Variants in PPHLN1 observed in about 807,000 individuals in gnomAD.
PPHLN1 encodes periphilin 1, also known as periphilin-1.
PPHLN1 carries 29 observed loss-of-function variants against 51.3 expected under a neutral mutation model. That is an observed-to-expected ratio of 0.57 (90% CI 0.42 to 0.77). PPHLN1 has a LOEUF of 0.77. Ranked by LOEUF, PPHLN1 falls within the 30% of genes least tolerant of loss-of-function variation. The pLI is 0.00. For synonymous variants in PPHLN1, 147 were observed against 147.8 expected, an observed-to-expected ratio of 0.99 and a Z score of 0.04; for missense variants, 436 against 438.4, an observed-to-expected ratio of 0.99 and a Z score of 0.05.
rs1565869050 is a variant in PPHLN1, at chr12:42,375,046, A to G, written c.483A>G (p.Ser161=). 6.2e-7 allele frequency: 1 copy of G among 1,612,252 alleles called. No individual in the cohort carries two copies. Among genetic ancestry groups the G allele is most frequent in the Non-Finnish European group, 8.5e-7 (1 of 1,178,804 alleles). Residue 161 remains serine, a synonymous_variant, in exon 5 of 10, where the codon TCA becomes TCG. Transcript: ENST00000358314. ...SRSYSPERSK[S]YSFHQSQHRK... ...GCTACTCTCCAGAAAGGAGCAAATC[A>G]TACTCTTTCCATCAGTCTCAACATA...
At chr12:42,382,196 T>A (rs964008990) in intron 5 of PPHLN1, among the ~76,000 whole-genome samples, 4 of 152,234 alleles carry the variant, frequency 2.6e-5, no homozygotes, top group Non-Finnish European at 5.9e-5. Context: ...ACCAAATACT[T>A]TGAAACTCTT....
At chr12:42,359,513 T>C (rs561514344) in intron 4 of PPHLN1, 1 of 152,358 alleles carries the variant, frequency 6.6e-6, no homozygotes, top group African/African-American at 2.4e-5. Flanking sequence ...TCTTCAATAA[T>C]GTCTCAGGTT....
chr12:42,442,506 C>A, downstream of PPHLN1: 1 of 1,257,010 alleles, frequency 8.0e-7, no homozygotes, highest in Non-Finnish European at 1.1e-6. Context: ...TCTGTCTGTA[C>A]CGAATAAATA....
At chr12:42,414,858 T>A (rs2080229613) in intron 9 of PPHLN1, among the ~76,000 whole-genome samples, 1 of 152,240 alleles carries the variant, frequency 6.6e-6, no homozygotes, top group Non-Finnish European at 1.5e-5. Flanking sequence ...TTCAATTTGG[T>A]TTTCTTTGCA....
In PPHLN1 at chr12:42,375,063, C is replaced by T. The variant is rs771898434; in HGVS notation, c.500C>T (p.Ser167Phe). 8.1e-6 allele frequency: 13 copies of T among 1,606,954 alleles called. No homozygotes were observed. The highest frequency in any genetic ancestry group is 1.7e-5 in the Admixed American group (1 of 59,532). ...AGCAAATCATACTCTTTCCATCAGTCTCAACATAGAAGTATGTATTTTAAG... is the reference window on the plus strand; with the variant it reads ...AGCAAATCATACTCTTTCCATCAGTTTCAACATAGAAGTATGTATTTTAAG... ...ERSKSYSFHQ[S>F]QHRKSVRPGA... is the part of the protein sequence containing the mutation. Residue 167 changes from serine to phenylalanine, a missense_variant, in exon 5 of 10, where the codon TCT (serine) becomes TTT (phenylalanine). By Grantham distance (155) the Ser-to-Phe change is radical. Coordinates refer to ENST00000358314, the MANE Select transcript of PPHLN1 (RefSeq NM_201439.2).
At chr12:42,390,884 T>C (rs2077645031) in intron 7 of PPHLN1, among the ~76,000 whole-genome samples, 1 of 151,348 alleles carries the variant, frequency 6.6e-6, no homozygotes, top group Admixed American at 6.6e-5. Context: ...CAGCCTGGTT[T>C]CAAACTCCTG....
Position 42,335,863 on chromosome 12 carries a change from A to T in PPHLN1, c.-20-20A>T. The T allele has an allele frequency of 7.0e-7, 1 of 1,436,654 alleles. No homozygotes were observed. The highest frequency in any genetic ancestry group is 9.4e-7 in the Non-Finnish European group (1 of 1,062,536). 89.0% of individuals were successfully genotyped at this position (1,436,654 alleles called of 1,614,324 possible). A position where few individuals can be genotyped will look rare whatever the true frequency, so the allele number is the denominator to read the frequency against. On this transcript the variant is annotated intron_variant, in intron 1 of 9. Transcript: ENST00000358314. ...GTTACTTCCTAGTATAAAATCCATA[A>T]TTCTTTTTTTTTTCTTTAGTGGCTT...
intron 4 of PPHLN1, among the ~76,000 whole-genome samples, chr12:42,372,819 G>A (rs759900414): frequency 5.9e-5 from 9 of 152,152 alleles, no homozygotes; most frequent in Non-Finnish European, 1.2e-4. Flanking sequence ...CCATCAAAAT[G>A]TGGACCTCTC....
At chr12:42,405,864 A>T (rs546001139) in intron 9 of PPHLN1, among the ~76,000 whole-genome samples, 119 of 152,076 alleles carry the variant, frequency 7.8e-4, no homozygotes, top group Admixed American at 4.0e-3. Context: ...CTTTTTTTTT[A>T]AAATCACTTT....
At chr12:42,445,152 A>G (rs1252860642), downstream of PPHLN1, 1 of 702,092 alleles carries the variant, frequency 1.4e-6, no homozygotes, top group Admixed American at 2.0e-5. Flanking sequence ...TATTTTTATC[A>G]CACATATTTG....
downstream of PPHLN1, chr12:42,443,381 A>G (rs1247473303): frequency 6.6e-6 from 1 of 152,320 alleles, no homozygotes; most frequent in Non-Finnish European, 1.5e-5. Flanking sequence ...AAGAAAAAGC[A>G]TTAGAGAAAA....
intron 2 of PPHLN1, among the ~76,000 whole-genome samples, chr12:42,340,843 T>C (rs2071371944): frequency 6.6e-6 from 1 of 152,232 alleles, no homozygotes; most frequent in South Asian, 2.1e-4. Flanking sequence ...AATATAAAAC[T>C]AGTTAAGTTG....
intron 9 of PPHLN1, chr12:42,433,025 TC>T: frequency 9.3e-7 from 1 of 1,070,778 alleles, no homozygotes. Context: ...CTCTCTCATA[TC>T]CTCAGGAAAA....
intron 2 of PPHLN1, among the ~76,000 whole-genome samples, chr12:42,349,547 C>T (rs2138132308): frequency 6.6e-6 from 1 of 151,984 alleles, no homozygotes; most frequent in South Asian, 2.1e-4. Flanking sequence ...AGGCAGAGGA[C>T]CCTGCGGCCT....
In PPHLN1 at chr12:42,352,020, G is replaced by C; in HGVS notation, c.208G>C (p.Asp70His). 6.5e-7 allele frequency: 1 copy of C among 1,541,344 alleles called. No homozygotes were observed. Among genetic ancestry groups the C allele is most frequent in the Non-Finnish European group, 8.7e-7 (1 of 1,150,594 alleles). ...TGACGAGGGCCGCAGTTTTTCTCAT[G>C]ATCGAAGAAGTGGTCCACCTCACAG... ...DYDEGRSFSH[D>H]RRSGPPHRGD... The change falls in exon 3 of 10, where the codon GAT becomes CAT. Residue 70 changes from aspartate (D) to histidine (H), a missense_variant. Physicochemically the swap from Asp to His is moderately conservative, Grantham distance 81. Transcript: ENST00000358314.
At chr12:42,447,978 A>G (rs1187817474), downstream of PPHLN1, 1 of 152,184 alleles carries the variant, frequency 6.6e-6, no homozygotes, top group Non-Finnish European at 1.5e-5. Context: ...CAACTCTGGT[A>G]TTCTTCCCTC....
At chr12:42,397,797 G>A (rs996456495) in intron 8 of PPHLN1, among the ~76,000 whole-genome samples, 4 of 151,874 alleles carry the variant, frequency 2.6e-5, no homozygotes, top group Non-Finnish European at 4.4e-5. Context: ...GTGCAGTGGC[G>A]CTGGTGTGAT....
chr12:42,417,879 T>C (rs959647304), intron 9 of PPHLN1, among the ~76,000 whole-genome samples: 4 of 147,514 alleles, frequency 2.7e-5, no homozygotes, highest in African/African-American at 7.4e-5. Context: ...CTATTGATCA[T>C]AATGCTTCTA....
At chr12:42,435,525 A>G (rs913971803) in intron 9 of PPHLN1, among the ~76,000 whole-genome samples, 8 of 152,218 alleles carry the variant, frequency 5.3e-5, no homozygotes, top group African/African-American at 1.7e-4. Context: ...CTGCATTACT[A>G]TAGACCAAAA....
Sources: gnomAD v4.1 joint callset for allele counts (sites outside exome capture counted in the v4.1 genomes callset) on GRCh38, gnomAD v4.1.1 for gene constraint, MANE v1.5 for transcripts, NCBI Gene and HGNC (gene_info 2026-07-23, HGNC 2026-07-21) for gene names.